ZBTB10: variants seen among roughly 807,000 people sequenced by gnomAD.
ZBTB10 encodes the protein zinc finger and BTB domain containing 10.
In ZBTB10, 32 loss-of-function variants were observed where a neutral mutation model predicts 76.4. The observed-to-expected ratio is 0.42, with a 90% CI of 0.32 to 0.56. ZBTB10 has a LOEUF of 0.56. ZBTB10 is among the 20% of genes least tolerant of loss of function. ZBTB10 has a pLI of 0.14. For missense variants in ZBTB10, 1,057 were observed against 1,098.5 expected (o/e 0.96, Z 0.53); for synonymous variants, 523 against 432.9 (o/e 1.21, Z -2.58).
intron 2 of ZBTB10, among the ~76,000 whole-genome samples, chr8:80,509,648 T>C (rs1025101863): frequency 2.0e-5 from 3 of 152,228 alleles, no homozygotes; most frequent in African/African-American, 7.2e-5. Flanking sequence ...TGTACTTTGC[T>C]CAATATTTTC....
chr8:80,507,067 T>G (rs918448084), intron 2 of ZBTB10, among the ~76,000 whole-genome samples: 1 of 151,722 alleles, frequency 6.6e-6, no homozygotes, highest in Non-Finnish European at 1.5e-5. Flanking sequence ...CCCAGCACTT[T>G]GGGAGGCCGA....
Position 80,487,333 on chromosome 8 carries a change from C to T in ZBTB10, c.523C>T (p.Gln175Ter). The T allele has an allele frequency of 1.3e-6, 2 of 1,534,914 alleles. No homozygotes were observed. Among genetic ancestry groups the T allele is most frequent in the Non-Finnish European group, 1.8e-6 (2 of 1,138,322 alleles). Residue 175 changes from glutamine (Q) to a stop codon, truncating the protein, a stop_gained, in exon 1 of 6, where the codon CAG (glutamine) becomes TAG (stop). Transcript: ENST00000455036. LOFTEE classifies it high-confidence loss of function. ...CGCGCTGGAGGGGAAGGAGTTGATGCAGGACGGCGCGTCCCTGAGCGACAG... is the reference window on the plus strand; with the variant it reads ...CGCGCTGGAGGGGAAGGAGTTGATGTAGGACGGCGCGTCCCTGAGCGACAG... ...LDALEGKELM[Q>*]DGASLSDSTE... is the part of the protein sequence containing the mutation.
chr8:80,495,030 T>C (rs1490603700), intron 1 of ZBTB10, among the ~76,000 whole-genome samples: 1 of 152,032 alleles, frequency 6.6e-6, no homozygotes, highest in Non-Finnish European at 1.5e-5. Context: ...GCATCTCTCC[T>C]CTTTGCTATT....
intron 1 of ZBTB10, among the ~76,000 whole-genome samples, chr8:80,498,864 C>A (rs986186959): frequency 6.6e-6 from 1 of 152,106 alleles, no homozygotes; most frequent in African/African-American, 2.4e-5. Flanking sequence ...GTACTTATGA[C>A]CCTAAAGAGA....
intron 1 of ZBTB10, among the ~76,000 whole-genome samples, chr8:80,495,428 T>A (rs948812688): frequency 5.3e-5 from 8 of 151,684 alleles, no homozygotes; most frequent in South Asian, 2.1e-4. Context: ...TTTTTTTTTT[T>A]AAATGCCGTC....
In ZBTB10 at chr8:80,486,945, A is replaced by G. The variant is rs150539196; in HGVS notation, c.135A>G (p.Arg45=). 0.038 allele frequency: 57,237 copies of G among 1,513,110 alleles called. 1,246 individuals carry two copies. Among genetic ancestry groups the G allele is most frequent in the East Asian group, 0.056 (2,100 of 37,272 alleles). 93.7% of individuals were successfully genotyped at this position (1,513,110 alleles called of 1,614,324 possible). A position where few individuals can be genotyped will look rare whatever the true frequency, so the allele number is the denominator to read the frequency against. The change falls in exon 1 of 6, where the codon AGA becomes AGG. Residue 45 remains arginine (R), a synonymous_variant. Coordinates refer to ENST00000455036, the MANE Select transcript of ZBTB10 (RefSeq NM_001105539.3). The stretch of plus-strand genomic sequence containing the variant: ...CTTGGCCTCCGCAGCCCCAGCCGAG[A>G]CAGCCCCCGCCGCCAGCGCCGCCCG... The part of the protein sequence containing the change: ...ASAWPPQPQP[R]QPPPPAPPAL...
rs1001532790 is a variant in ZBTB10 at position 80,522,481 on chromosome 8, A to T, written c.*2953A>T. The T allele has an allele frequency of 6.6e-6, 1 of 151,974 alleles. No individual in the cohort carries two copies. Among genetic ancestry groups the T allele is most frequent in the Non-Finnish European group, 1.5e-5 (1 of 67,862 alleles). The allele number at this position is 151,974 out of a possible 1,614,324, so 9.4% of individuals were successfully genotyped here. A position where few individuals can be genotyped will look rare whatever the true frequency, so the allele number is the denominator to read the frequency against. ...AGAGTTCTCAGAGACAGATACTTCC[A>T]TATGGACCCCTGTTCATTTTTCTTA... On this transcript the variant is annotated 3_prime_UTR_variant, in exon 6 of 6. Transcript: ENST00000455036.
rs559625280 is a variant in ZBTB10 at position 80,491,060 on chromosome 8, C to T, written c.972+3278C>T. 1.5e-3 allele frequency among the ~76,000 whole-genome samples: 221 copies of T among 152,196 alleles called. 1 individual carries two copies. The highest frequency in any genetic ancestry group is 3.1e-3 in the South Asian group (15 of 4,814). ...CTGTACTTAGTGTAGCCTAAGTGTACGGTGCTCATAAAATCTACAGCAGTG... is the reference window on the plus strand; with the variant it reads ...CTGTACTTAGTGTAGCCTAAGTGTATGGTGCTCATAAAATCTACAGCAGTG... On this transcript the variant is annotated intron_variant, in intron 1 of 5. Coordinates refer to ENST00000455036, the MANE Select transcript of ZBTB10 (RefSeq NM_001105539.3).
chr8:80,519,002 G>A (rs1470090202), intron 5 of ZBTB10, 48 bp downstream of exon 5: 7 of 1,523,330 alleles, frequency 4.6e-6, no homozygotes, highest in Admixed American at 4.2e-5. Context: ...CTATATTTAT[G>A]TCAGTGAAGT....
intron 1 of ZBTB10, among the ~76,000 whole-genome samples, chr8:80,493,682 G>A (rs568076611): frequency 2.8e-5 from 4 of 143,196 alleles, no homozygotes; most frequent in Non-Finnish European, 4.6e-5. Flanking sequence ...AAAAAAAACC[G>A]AGCCGGGCGT....
rs773074047 is a variant in ZBTB10, at chr8:80,517,871, C to CTTTTTTTTTTTT, written c.1961-518_1961-507dup. 4.5e-3 allele frequency among the ~76,000 whole-genome samples: 343 copies of CTTTTTTTTTTTT among 76,836 alleles called. 15 individuals carry two copies. The highest frequency in any genetic ancestry group is 0.013 in the Middle Eastern group (1 of 76). The allele number at this position is 76,836 out of a possible 152,430, so 50.4% of individuals were successfully genotyped here. A position where few individuals can be genotyped will look rare whatever the true frequency, so the allele number is the denominator to read the frequency against. ...CATGTTTTTTTCTCCCGCCCGCCAC[C>CTTTTTTTTTTTT]TTTTTTTTTTTTTTTTTTTTTTTTT... On this transcript the variant is annotated intron_variant, in intron 3 of 5. Coordinates refer to ENST00000455036, the MANE Select transcript of ZBTB10 (RefSeq NM_001105539.3).
At chr8:80,488,356 T>G (rs927498390) in intron 1 of ZBTB10, among the ~76,000 whole-genome samples, 1 of 152,242 alleles carries the variant, frequency 6.6e-6, no homozygotes, top group African/African-American at 2.4e-5. Flanking sequence ...CTTGCTCTTG[T>G]GAATAATTTT....
intron 2 of ZBTB10, among the ~76,000 whole-genome samples, chr8:80,507,166 G>T (rs1585853909): frequency 6.6e-6 from 1 of 151,656 alleles, no homozygotes; most frequent in Admixed American, 6.6e-5. Context: ...AAATTAGCTG[G>T]GTGTGGTGGC....
rs754204456 is a variant in ZBTB10 at position 80,499,457 on chromosome 8, A to G, written c.973-37A>G. ...GGTTTGGGAGTTTTTAAAAAAGTCA[A>G]TAAAGTTTAATATTAATGTTTTTTA... On this transcript the variant is annotated intron_variant, in intron 1 of 5. Coordinates refer to ENST00000455036, the MANE Select transcript of ZBTB10 (RefSeq NM_001105539.3). The G allele has an allele frequency of 2.7e-6, 4 of 1,507,994 alleles. No homozygotes were observed. In the African/African-American group the frequency reaches 4.2e-5, roughly 16 times the overall value. 93.4% of individuals were successfully genotyped at this position (1,507,994 alleles called of 1,614,324 possible). A position where few individuals can be genotyped will look rare whatever the true frequency, so the allele number is the denominator to read the frequency against.
At chr8:80,486,193 C>A, upstream of ZBTB10, 1 of 1,133,334 alleles carries the variant, frequency 8.8e-7, no homozygotes, top group Non-Finnish European at 1.1e-6. Flanking sequence ...TTACTGCTAC[C>A]CCGGTGCATT....
chr8:80,487,584 T>C lies in ZBTB10; in HGVS notation c.774T>C (p.Phe258=), dbSNP rs1473002172. 4 of 1,613,160 alleles carry C rather than the reference T, an allele frequency of 2.5e-6. No individual in the cohort carries two copies. The highest frequency in any genetic ancestry group is 1.3e-5 in the African/African-American group (1 of 74,926). Residue 258 remains phenylalanine (F), a synonymous_variant, in exon 1 of 6, where the codon TTT becomes TTC. Transcript: ENST00000455036. ...CSFQTSWLKD[F]PWLRYSKDTG... ...TCCAGACCTCCTGGCTCAAGGACTT[T>C]CCCTGGCTGCGCTATTCCAAGGATA...
At chr8:80,502,300 G>A (rs552664507) in intron 2 of ZBTB10, among the ~76,000 whole-genome samples, 62 of 152,220 alleles carry the variant, frequency 4.1e-4, no homozygotes, top group African/African-American at 1.4e-3. Flanking sequence ...CAGTGGCACA[G>A]TCTTGGTTCA....
At position 80,486,838 on chromosome 8, in the gene ZBTB10, A is replaced by G; in HGVS notation, c.28A>G (p.Thr10Ala). The change falls in exon 1 of 6, where the codon ACG (threonine) becomes GCG (alanine). Residue 10 changes from threonine (T) to alanine (A), a missense_variant. This residue lies in a region of ZBTB10 where 556 missense variants were observed against 451.7 expected (regional missense o/e 1.23). Transcript: ENST00000455036. ...GTCGTTCAGTGAAATGAACCGCAGG[A>G]CGCTGGCGTTCCGAGGAGGCGGGTT... MSFSEMNRR[T>A]LAFRGGGLVT... 1 of 1,503,094 alleles carries G rather than the reference A, an allele frequency of 6.7e-7. No homozygotes were observed. The highest frequency in any genetic ancestry group is 8.9e-7 in the Non-Finnish European group (1 of 1,128,308). The allele number at this position is 1,503,094 out of a possible 1,614,324, so 93.1% of individuals were successfully genotyped here.
At position 80,521,596 on chromosome 8, in the gene ZBTB10, G is replaced by C. The variant is rs1002344986; in HGVS notation, c.*2068G>C. 2 of 151,646 alleles carry C rather than the reference G, an allele frequency of 1.3e-5. No individual in the cohort carries two copies. Among genetic ancestry groups the C allele is most frequent in the African/African-American group, 2.4e-5 (1 of 41,384 alleles). 9.4% of individuals were successfully genotyped at this position (151,646 alleles called of 1,614,324 possible). ...TTTATTAGACTACAGTTCACTTATT[G>C]CATAGAAACTGGACTTGGCTTTACA... On this transcript the variant is annotated 3_prime_UTR_variant, in exon 6 of 6. Transcript: ENST00000455036.
Sources: gnomAD v4.1 joint callset for allele counts (sites outside exome capture counted in the v4.1 genomes callset) on GRCh38, gnomAD v4.1.1 for gene constraint, gnomAD v4.1.1 regional missense constraint, MANE v1.5 for transcripts, NCBI Gene and HGNC (gene_info 2026-07-23, HGNC 2026-07-21) for gene names.